The following MYO9A variants were observed in gnomAD, a reference collection of about 807,000 sequenced individuals.
MYO9A encodes the protein unconventional myosin-IXa.
In MYO9A, 103 loss-of-function variants were observed where a neutral mutation model predicts 293.3. The observed-to-expected ratio is 0.35, with a 90% CI of 0.30 to 0.41. The LOEUF (loss-of-function observed/expected upper bound fraction) is 0.41. MYO9A is among the 10% of genes least tolerant of loss of function. The pLI is 1.00. For synonymous variants in MYO9A, 1,001 were observed against 1,035.7 expected, an observed-to-expected ratio of 0.97 and a Z score of 0.64; for missense variants, 2,685 against 3,033.0, an observed-to-expected ratio of 0.89 and a Z score of 2.69.
At chr15:71,938,076 G>A (rs2058683981) in intron 16 of MYO9A, among the ~76,000 whole-genome samples, 2 of 152,114 alleles carry the variant, frequency 1.3e-5, no homozygotes, top group Non-Finnish European at 2.9e-5. Context: ...TGCATATGAA[G>A]TTAGTGAACC....
rs201961799 is a variant in MYO9A at position 71,899,791 on chromosome 15, T to C, written c.3366A>G (p.Ile1122Met). Residue 1122 changes from isoleucine (I) to methionine (M), a missense_variant, in exon 24 of 42, where the codon ATA becomes ATG. Around this residue, in one of 10 missense-constraint regions of MYO9A, gnomAD observed 1,434 missense variants for 1,497.7 expected, o/e 0.96. Coordinates refer to ENST00000356056, the MANE Select transcript of MYO9A (RefSeq NM_006901.4). Reference protein sequence around the residue: ...YRRRHMAAICIQARWKAYRES... With the variant: ...YRRRHMAAICMQARWKAYRES... ...CCCTGTAGGCTTTCCATCTTGCTTG[T>C]ATGCAAATAGCAGCCATGTGCCTGC... is the stretch of plus-strand genomic sequence containing the variant. The C allele has an allele frequency of 2.4e-5, 38 of 1,614,198 alleles. No individual in the cohort carries two copies. The East Asian group carries it at 4.9e-4, about 21-fold the overall frequency.
At chr15:71,871,771 C>T (rs2056523030) in intron 32 of MYO9A, among the ~76,000 whole-genome samples, 1 of 149,518 alleles carries the variant, frequency 6.7e-6, no homozygotes, top group South Asian at 2.1e-4. Context: ...GGACAAAAAA[C>T]TCCAGTAGCA....
At chr15:71,911,157 C>A (rs1201985093) in intron 19 of MYO9A, among the ~76,000 whole-genome samples, 3 of 152,092 alleles carry the variant, frequency 2.0e-5, no homozygotes, top group Non-Finnish European at 2.9e-5. Flanking sequence ...AAAATACATT[C>A]TTTTTTAGAT....
At chr15:71,908,204 C>A (rs2144209144) in intron 19 of MYO9A, among the ~76,000 whole-genome samples, 1 of 152,336 alleles carries the variant, frequency 6.6e-6, no homozygotes, top group East Asian at 1.9e-4. Context: ...AATAGGGAAT[C>A]CTTTCCCCAT....
In MYO9A at chr15:71,830,326, T is replaced by C. The variant is rs766071665; in HGVS notation, c.6838-15A>G. ...CGCCCCTTTCCCTGCAGAGAAAAAT[T>C]CATGTTAGAAAGTAAATTGAGTGAC... On this transcript the variant is annotated splice_polypyrimidine_tract_variant and intron_variant, in intron 39 of 41. Coordinates refer to ENST00000356056, the MANE Select transcript of MYO9A (RefSeq NM_006901.4). 2 of 1,612,140 alleles carry C rather than the reference T, an allele frequency of 1.2e-6. No individual in the cohort carries two copies. Among genetic ancestry groups the C allele is most frequent in the South Asian group, 1.1e-5 (1 of 90,950 alleles).
chr15:71,911,371 A>G (rs537199301), intron 19 of MYO9A, among the ~76,000 whole-genome samples: 7 of 152,200 alleles, frequency 4.6e-5, no homozygotes, highest in African/African-American at 1.4e-4. Context: ...TTCAATTCAA[A>G]TATGAAAACA....
intron 11 of MYO9A, among the ~76,000 whole-genome samples, chr15:71,982,335 T>C (rs909141537): frequency 6.6e-6 from 1 of 152,112 alleles, no homozygotes; most frequent in African/African-American, 2.4e-5. Context: ...TATTTCTTAA[T>C]TTTTAATCAT....
At chr15:71,982,148 T>C (rs1193261693) in intron 11 of MYO9A, among the ~76,000 whole-genome samples, 1 of 150,006 alleles carries the variant, frequency 6.7e-6, no homozygotes, top group Non-Finnish European at 1.5e-5. Context: ...CCCTCCTGAG[T>C]AGCTGGGACT....
At chr15:71,940,493 G>A (rs2058746375) in intron 15 of MYO9A, among the ~76,000 whole-genome samples, 1 of 151,888 alleles carries the variant, frequency 6.6e-6, no homozygotes, top group African/African-American at 2.4e-5. Context: ...CCCTGTCTTG[G>A]AGCGGGGACG....
intron 28 of MYO9A, among the ~76,000 whole-genome samples, chr15:71,880,765 C>G (rs1323769913): frequency 6.6e-6 from 1 of 152,078 alleles, no homozygotes; most frequent in African/African-American, 2.4e-5. Context: ...TTAAAAATTA[C>G]CACTTTTCAA....
chr15:71,893,877 C>T (rs914730748), intron 25 of MYO9A, 99 bp from the exon 26 acceptor site: 2 of 910,600 alleles, frequency 2.2e-6, no homozygotes, highest in African/African-American at 3.4e-5. Flanking sequence ...ATTTTCAGAT[C>T]TTAGTCAATT....
Position 71,880,531 on chromosome 15 carries a change from G to A in MYO9A, c.5426C>T (p.Pro1809Leu), listed in dbSNP as rs2056843057. Residue 1809 changes from proline (P) to leucine (L), a missense_variant, in exon 29 of 42, where the codon CCT (proline) becomes CTT (leucine). Transcript: ENST00000356056. ...DELAAYHPTP[P>L]LSPELPGSCR... The stretch of plus-strand genomic sequence containing the variant: ...ACTGCCGGGCAGTTCTGGGCTCAAA[G>A]GAGGTGTTGGGTGATATGCAGCTAA... 3.1e-6 allele frequency: 5 copies of A among 1,614,010 alleles called. No homozygotes were observed. The highest frequency in any genetic ancestry group is 1.3e-5 in the African/African-American group (1 of 74,934).
chr15:71,862,890 C>T lies in MYO9A; in HGVS notation c.5980-279G>A, dbSNP rs144094945. ...CATGACTCTAATGTTACATTAAAAG[C>T]AGCAGTTCTCAAAGTATGTTTTCTT... On this transcript the variant is annotated intron_variant, in intron 32 of 41. Coordinates refer to ENST00000356056, the MANE Select transcript of MYO9A (RefSeq NM_006901.4). Among the ~76,000 whole-genome samples the T allele has an allele frequency of 2.8e-3, 429 of 151,202 alleles. 19 individuals are homozygous for T. The highest frequency in any genetic ancestry group is 0.022 in the Admixed American group (327 of 15,168).
intron 19 of MYO9A, among the ~76,000 whole-genome samples, chr15:71,906,659 A>AT (rs1485590689): frequency 7.1e-6 from 1 of 140,576 alleles, no homozygotes; most frequent in African/African-American, 2.7e-5. Flanking sequence ...ATTTTTTTTC[A>AT]TTTTTTAACC....
chr15:71,893,452 T>G, intron 26 of MYO9A: 1 of 560,534 alleles, frequency 1.8e-6, no homozygotes, highest in South Asian at 2.1e-5. Flanking sequence ...CAACAAAGTC[T>G]CTTGCACAAA....
At chr15:72,041,278 C>T (rs1273503243) in intron 2 of MYO9A, 3 of 997,190 alleles carry the variant, frequency 3.0e-6, no homozygotes, top group Non-Finnish European at 4.6e-6. Flanking sequence ...TTGTATTTTC[C>T]TTGTATTTAT....
intron 1 of MYO9A, among the ~76,000 whole-genome samples, chr15:72,053,822 G>A (rs997680232): frequency 1.3e-4 from 20 of 152,086 alleles, no homozygotes; most frequent in African/African-American, 4.8e-4. Flanking sequence ...AAATAATTAT[G>A]TATAACTTTT....
chr15:71,853,713 C>T (rs946092706), intron 35 of MYO9A, among the ~76,000 whole-genome samples: 7 of 152,300 alleles, frequency 4.6e-5, no homozygotes, highest in African/African-American at 1.7e-4. Flanking sequence ...GAGTCAGTCC[C>T]CTGCATGAAT....
In MYO9A at chr15:71,959,901, C is replaced by T. The variant is rs2059287099; in HGVS notation, c.2182G>A (p.Gly728Arg). The change falls in exon 14 of 42, where the codon GGA becomes AGA. Residue 728 changes from glycine to arginine, a missense_variant and splice_region_variant. Gly to Arg is a moderately radical substitution (Grantham distance 125). Transcript: ENST00000356056. ...TAGAATACTAATAACTACTACTTAC[C>T]AGTTTTTCTGTGAATGTTTCTTTTC... Reference protein sequence around the residue: ...AGKRNIHRKTGHDDTAPCAIL... With the variant: ...AGKRNIHRKTRHDDTAPCAIL... 6.2e-7 allele frequency: 1 copy of T among 1,607,394 alleles called. No homozygotes were observed. Among genetic ancestry groups the T allele is most frequent in the Admixed American group, 1.7e-5 (1 of 59,818 alleles).
Sources: gnomAD v4.1 joint callset for allele counts (sites outside exome capture counted in the v4.1 genomes callset) on GRCh38, gnomAD v4.1.1 for gene constraint, gnomAD v4.1.1 regional missense constraint, MANE v1.5 for transcripts, NCBI Gene and HGNC (gene_info 2026-07-23, HGNC 2026-07-21) for gene names.